CUBN: variants seen among roughly 807,000 people sequenced by gnomAD.
CUBN encodes the protein cubilin.
CUBN carries 282 observed loss-of-function variants against 405.3 expected under a neutral mutation model. The ratio of observed to expected loss-of-function variants is 0.70; its 90% CI spans 0.63 to 0.77. CUBN has a LOEUF of 0.77. CUBN is among the 30% of genes least tolerant of loss of function. The pLI, the probability that CUBN is intolerant of heterozygous loss-of-function variation, is 0.00. For synonymous variants in CUBN, 1,684 were observed against 1,617.0 expected (o/e 1.04, Z -0.99); for missense variants, 4,514 against 4,475.2 (o/e 1.01, Z -0.25).
intron 59 of CUBN, among the ~76,000 whole-genome samples, chr10:16,856,857 A>G (rs1171561807): frequency 6.6e-6 from 1 of 152,188 alleles, no homozygotes; most frequent in Non-Finnish European, 1.5e-5. Context: ...AAACTACAGG[A>G]AGCAGAATAC....
chr10:17,088,820 C>A (rs1475192772), intron 14 of CUBN, among the ~76,000 whole-genome samples: 3 of 152,188 alleles, frequency 2.0e-5, no homozygotes. Flanking sequence ...ATAGTTAAAA[C>A]ATTCATTTAA....
At chr10:16,835,754 T>C (rs1839150040) in intron 63 of CUBN, among the ~76,000 whole-genome samples, 1 of 152,130 alleles carries the variant, frequency 6.6e-6, no homozygotes, top group African/African-American at 2.4e-5. Context: ...CAGGTAACTC[T>C]TTCAAGGCTT....
chr10:16,911,182 A>G (rs903517927), intron 48 of CUBN, among the ~76,000 whole-genome samples: 3 of 152,204 alleles, frequency 2.0e-5, no homozygotes, highest in African/African-American at 7.2e-5. Flanking sequence ...ATCAATGCAT[A>G]AAACCCAAGA....
chr10:16,844,270 C>CA (rs1325881875), intron 60 of CUBN, among the ~76,000 whole-genome samples: 22 of 143,450 alleles, frequency 1.5e-4, no homozygotes, highest in African/African-American at 3.8e-4. Context: ...ACTCTGTCCC[C>CA]AAAAAAAAAA....
At chr10:17,012,300 GT>G (rs1171135439) in intron 28 of CUBN, among the ~76,000 whole-genome samples, 1 of 152,234 alleles carries the variant, frequency 6.6e-6, no homozygotes. Context: ...TGGTATAAGA[GT>G]TTGAAAGGCA....
At chr10:16,959,452 A>C (rs530116003) in intron 31 of CUBN, among the ~76,000 whole-genome samples, 1 of 152,244 alleles carries the variant, frequency 6.6e-6, no homozygotes, top group African/African-American at 2.4e-5. Flanking sequence ...AGCATGGAGA[A>C]GCTCCATCTC....
At chr10:16,916,145 C>A (rs1841878189) in intron 45 of CUBN, 115 bp from the exon 46 acceptor site, 5 of 901,880 alleles carry the variant, frequency 5.5e-6, no homozygotes, top group Non-Finnish European at 8.6e-6. Flanking sequence ...CTTTTAGGTG[C>A]CAAGTGACTC....
chr10:17,088,187 C>A lies in CUBN; in HGVS notation c.1924G>T (p.Asp642Tyr). ...ACCTCAAGGTAATCTTTGTTGCAGT[C>A]ATCATGGTGCTCGAGGCTCAAGGTC... ...FGTLSLEHHD[D>Y]CNKDYLEIRD... Residue 642 changes from aspartate (D) to tyrosine (Y), a missense_variant, in exon 15 of 67, where the codon GAC (aspartate) becomes TAC (tyrosine). This residue lies in a region of CUBN where 1,448 missense variants were observed against 1,388.0 expected (regional missense o/e 1.04). Transcript: ENST00000377833. 6.2e-7 allele frequency: 1 copy of A among 1,613,400 alleles called. No homozygotes were observed. The highest frequency in any genetic ancestry group is 8.5e-7 in the Non-Finnish European group (1 of 1,179,456).
intron 56 of CUBN, among the ~76,000 whole-genome samples, chr10:16,885,396 T>G (rs976686746): frequency 1.3e-5 from 2 of 152,156 alleles, no homozygotes; most frequent in Non-Finnish European, 2.9e-5. Flanking sequence ...CAGAAATCAA[T>G]CTAACATTAT....
At chr10:16,843,303 G>A (rs1272490386) in intron 60 of CUBN, among the ~76,000 whole-genome samples, 1 of 152,126 alleles carries the variant, frequency 6.6e-6, no homozygotes, top group Non-Finnish European at 1.5e-5. Flanking sequence ...GTGTCTGTGT[G>A]TATCTAACTC....
intron 10 of CUBN, among the ~76,000 whole-genome samples, chr10:17,106,046 A>G (rs1215094024): frequency 6.6e-6 from 1 of 152,220 alleles, no homozygotes. Context: ...GCAGTTTGGG[A>G]GGCTGAGGAG....
chr10:16,993,773 G>T (rs1564467580), intron 28 of CUBN, among the ~76,000 whole-genome samples: 2 of 151,596 alleles, frequency 1.3e-5, no homozygotes, highest in Non-Finnish European at 2.9e-5. Context: ...CCAAAGTGCT[G>T]GGATTACAGG....
At position 16,925,736 on chromosome 10, in the gene CUBN, T is replaced by C; in HGVS notation, c.6310A>G (p.Thr2104Ala). The C allele has an allele frequency of 6.2e-7, 1 of 1,613,994 alleles. No homozygotes were observed. The highest frequency in any genetic ancestry group is 2.2e-5 in the East Asian group (1 of 44,874). ...TAAGTCTCTGGATACTTGGGGGACG[T>C]GATGATCCCTCTGTCTGCATGCAAA... ...GYLHADRGII[T>A]SPKYPETYPS... is the part of the protein sequence containing the mutation. The change falls in exon 42 of 67, where the codon ACG becomes GCG. Residue 2104 changes from threonine (T) to alanine (A), a missense_variant. By Grantham distance (58) the Thr-to-Ala change is moderately conservative. Around this residue, in one of 5 missense-constraint regions of CUBN, gnomAD observed 1,613 missense variants for 1,542.8 expected, o/e 1.05. Coordinates refer to ENST00000377833, the MANE Select transcript of CUBN (RefSeq NM_001081.4).
chr10:17,024,593 C>T (rs1404086145), intron 27 of CUBN, among the ~76,000 whole-genome samples: 2 of 152,176 alleles, frequency 1.3e-5, no homozygotes, highest in African/African-American at 4.8e-5. Context: ...TAGCCTCACC[C>T]TCCCAGGCTC....
intron 48 of CUBN, 143 bp from the exon 49 acceptor site, chr10:16,907,822 C>T (rs1841598801): frequency 2.4e-6 from 2 of 821,004 alleles, no homozygotes; most frequent in Non-Finnish European, 2.0e-6. Context: ...AGGTTTCTAT[C>T]GCAGTGCCAC....
At chr10:16,840,558 C>T in intron 61 of CUBN, 23 bp from the exon 62 acceptor site, 1 of 1,531,882 alleles carries the variant, frequency 6.5e-7, no homozygotes, top group Non-Finnish European at 8.9e-7. Context: ...GAAAAAGCAA[C>T]ACAGGAGACA....
Position 16,938,901 on chromosome 10 carries a change from T to C in CUBN, c.5733+62A>G. 2.8e-6 allele frequency: 4 copies of C among 1,430,178 alleles called. No homozygotes were observed. In the South Asian group the frequency reaches 4.6e-5, roughly 16 times the overall value. The allele number at this position is 1,430,178 out of a possible 1,614,324, so 88.6% of individuals were successfully genotyped here. ...ATGCTTGAATAGACGTTACCTTGGA[T>C]TTATTTTTACCAATAGCAATTCACC... On this transcript the variant is annotated intron_variant, in intron 38 of 66. Transcript: ENST00000377833.
intron 60 of CUBN, among the ~76,000 whole-genome samples, chr10:16,847,448 G>C (rs1336304011): frequency 6.6e-6 from 1 of 151,772 alleles, no homozygotes; most frequent in African/African-American, 2.4e-5. Context: ...CACCACTGCA[G>C]TCCAGCCTGG....
At chr10:17,091,311 G>A (rs1000755556) in intron 14 of CUBN, among the ~76,000 whole-genome samples, 20 of 152,048 alleles carry the variant, frequency 1.3e-4, no homozygotes, top group African/African-American at 4.8e-4. Flanking sequence ...ATATATAAAT[G>A]TACAGATATC....
Sources: gnomAD v4.1 joint callset for allele counts (sites outside exome capture counted in the v4.1 genomes callset) on GRCh38, gnomAD v4.1.1 for gene constraint, gnomAD v4.1.1 regional missense constraint, MANE v1.5 for transcripts, NCBI Gene and HGNC (gene_info 2026-07-23, HGNC 2026-07-21) for gene names.